The following PLCL2 variants were observed in gnomAD, a reference collection of about 807,000 sequenced individuals.
PLCL2 encodes phospholipase C like 2.
In PLCL2, 4 loss-of-function variants were observed where a neutral mutation model predicts 79.6. The ratio of observed to expected loss-of-function variants is 0.05; its 90% CI spans 0.02 to 0.11. The LOEUF (loss-of-function observed/expected upper bound fraction) is 0.11. PLCL2 is among the 10% of genes least tolerant of loss of function. The pLI is 1.00. For missense variants in PLCL2, 895 were observed against 1,291.0 expected (o/e 0.69, Z 4.70); for synonymous variants, 484 against 457.7 (o/e 1.06, Z -0.73).
chr3:17,036,262 A>G (rs1224471713), intron 3 of PLCL2, among the ~76,000 whole-genome samples: 1 of 152,204 alleles, frequency 6.6e-6, no homozygotes, highest in East Asian at 1.9e-4. Context: ...AAAGACCTCT[A>G]CAGCAATAAT....
chr3:16,969,102 A>G (rs2063833550), intron 1 of PLCL2, among the ~76,000 whole-genome samples: 1 of 152,174 alleles, frequency 6.6e-6, no homozygotes, highest in Admixed American at 6.5e-5. Context: ...CTACTTGATC[A>G]TGATGGATTA....
chr3:17,020,808 AG>A (rs2064442285), intron 3 of PLCL2, among the ~76,000 whole-genome samples: 1 of 152,208 alleles, frequency 6.6e-6, no homozygotes, highest in South Asian at 2.1e-4. Flanking sequence ...TGTGAAATGA[AG>A]GTTTTTTTCC....
At chr3:17,038,447 C>A (rs1202768587) in intron 3 of PLCL2, among the ~76,000 whole-genome samples, 4 of 152,184 alleles carry the variant, frequency 2.6e-5, no homozygotes, top group Non-Finnish European at 4.4e-5. Context: ...AACCATTCTA[C>A]TTGGCCTTGC....
chr3:16,949,239 C>T (rs2063628560), intron 1 of PLCL2, among the ~76,000 whole-genome samples: 1 of 152,144 alleles, frequency 6.6e-6, no homozygotes. Flanking sequence ...GTGTCCATTT[C>T]TACTTCGATA....
Position 16,887,694 on chromosome 3 carries a change from C to G in PLCL2, c.327+2328C>G, listed in dbSNP as rs780869176. 4.6e-5 allele frequency among the ~76,000 whole-genome samples: 7 copies of G among 151,936 alleles called. No homozygotes were observed. Among genetic ancestry groups the G allele is most frequent in the Non-Finnish European group, 8.8e-5 (6 of 67,994 alleles). The stretch of plus-strand genomic sequence containing the variant: ...ATAACTTCCAGCATCAGGACAATAT[C>G]CTAATAGAAAACAAAGTCTTTAACA... On this transcript the variant is annotated intron_variant, in intron 1 of 5. Coordinates refer to ENST00000615277, the MANE Select transcript of PLCL2 (RefSeq NM_001144382.2). The surrounding 1 kb of genome is among the most constrained non-coding windows in gnomAD (Gnocchi z 4.1).
At chr3:17,035,194 C>T (rs1001570470) in intron 3 of PLCL2, among the ~76,000 whole-genome samples, 8 of 152,142 alleles carry the variant, frequency 5.3e-5, no homozygotes, top group African/African-American at 1.7e-4. Flanking sequence ...TTAGACTTCC[C>T]TATTGTAACC....
At chr3:16,897,331 T>C (rs1267623600) in intron 1 of PLCL2, among the ~76,000 whole-genome samples, 1 of 151,746 alleles carries the variant, frequency 6.6e-6, no homozygotes, top group Non-Finnish European at 1.5e-5. Flanking sequence ...GGTTGGTTAT[T>C]TGGAGCCTTA....
At chr3:16,885,991 C>A (rs1696211920) in intron 1 of PLCL2, among the ~76,000 whole-genome samples, 1 of 152,162 alleles carries the variant, frequency 6.6e-6, no homozygotes, top group African/African-American at 2.4e-5. Flanking sequence ...ACGATTTAAT[C>A]TTTTTCCTTG....
chr3:16,928,944 G>A (rs1452038668), intron 1 of PLCL2, among the ~76,000 whole-genome samples: 1 of 9,506 alleles, frequency 1.1e-4, no homozygotes, highest in Non-Finnish European at 1.9e-4. Flanking sequence ...TTGAGAGTGA[G>A]TGGGAAGTGA....
At chr3:17,008,980 G>A (rs1333627125) in intron 1 of PLCL2, among the ~76,000 whole-genome samples, 1 of 151,538 alleles carries the variant, frequency 6.6e-6, no homozygotes, top group Non-Finnish European at 1.5e-5. Context: ...ACCATATCTG[G>A]CTAATTAATT....
At chr3:17,058,105 G>A (rs866387077) in intron 4 of PLCL2, among the ~76,000 whole-genome samples, 1 of 152,130 alleles carries the variant, frequency 6.6e-6, no homozygotes, top group Non-Finnish European at 1.5e-5. Context: ...GTCTGTCTGT[G>A]GGGATAGTTG....
intron 1 of PLCL2, among the ~76,000 whole-genome samples, chr3:16,907,264 A>C (rs1026573221): frequency 6.6e-6 from 1 of 152,130 alleles, no homozygotes; most frequent in Non-Finnish European, 1.5e-5. Flanking sequence ...TTATTTGTTC[A>C]TTTTGTTACA....
At chr3:17,031,929 CTTTT>C (rs35640259) in intron 3 of PLCL2, among the ~76,000 whole-genome samples, 5 of 109,046 alleles carry the variant, frequency 4.6e-5, no homozygotes, top group Non-Finnish European at 5.6e-5. Flanking sequence ...CAATTTTCAC[CTTTT>C]TTTTTTTTTT....
intron 2 of PLCL2, among the ~76,000 whole-genome samples, chr3:17,014,453 C>T (rs868182730): frequency 5.9e-5 from 9 of 152,114 alleles, no homozygotes; most frequent in Middle Eastern, 3.2e-3. Context: ...GAAGCCTTGC[C>T]CTTCAGAAGA....
chr3:16,971,765 G>T (rs1419596058), intron 1 of PLCL2, among the ~76,000 whole-genome samples: 1 of 151,942 alleles, frequency 6.6e-6, no homozygotes, highest in African/African-American at 2.4e-5. Flanking sequence ...GGTCCTTCAT[G>T]TCCCTTGTAA....
intron 1 of PLCL2, among the ~76,000 whole-genome samples, chr3:16,898,873 T>C (rs368152454): frequency 0.095 from 14,310 of 150,730 alleles, 1,118 homozygotes; most frequent in African/African-American, 0.21. Flanking sequence ...CTAGATAACA[T>C]GAGGAGATTG....
intron 1 of PLCL2, among the ~76,000 whole-genome samples, chr3:16,955,744 A>ATG (rs1258590250): frequency 6.6e-6 from 1 of 152,122 alleles, no homozygotes; most frequent in Non-Finnish European, 1.5e-5. Context: ...GGTCCTTCCC[A>ATG]TCCCTTGTAA....
chr3:17,032,993 T>C (rs901794815), intron 3 of PLCL2, among the ~76,000 whole-genome samples: 2 of 152,172 alleles, frequency 1.3e-5, no homozygotes, highest in African/African-American at 4.8e-5. Flanking sequence ...AGGCTTTTTA[T>C]AATTTGAAAA....
At chr3:17,004,181 G>C (rs1453444739) in intron 1 of PLCL2, among the ~76,000 whole-genome samples, 1 of 152,138 alleles carries the variant, frequency 6.6e-6, no homozygotes, top group Non-Finnish European at 1.5e-5. Flanking sequence ...TACAAGAACA[G>C]TTATGATTTT....
Sources: allele counts gnomAD v4.1 joint callset (sites outside exome capture counted in the v4.1 genomes callset), GRCh38; gene constraint gnomAD v4.1.1; non-coding constraint Gnocchi (gnomAD v3.1); transcripts MANE v1.5; gene names NCBI Gene and HGNC (gene_info 2026-07-23, HGNC 2026-07-21).